FAAH2: variants seen among roughly 807,000 people sequenced by gnomAD.
The protein encoded by FAAH2 is fatty acid amide hydrolase 2.
Under a neutral mutation model 36.9 loss-of-function variants are expected in FAAH2, and 60 were observed. The observed-to-expected ratio is 1.63, with a 90% CI of 1.32 to 2.02. The LOEUF (loss-of-function observed/expected upper bound fraction) is 2.02, where lower values mean the gene tolerates loss of function less well. Among genes scored for constraint, FAAH2 ranks in the 30% most tolerant of loss-of-function variants. The pLI, the probability that FAAH2 is intolerant of heterozygous loss-of-function variation, is 0.00. For missense variants in FAAH2, 689 were observed against 397.5 expected, an observed-to-expected ratio of 1.73 and a Z score of -6.23; for synonymous variants, 214 against 143.8, an observed-to-expected ratio of 1.49 and a Z score of -3.49.
At chrX:57,153,749 C>T in the FAAH2 span, among the ~76,000 whole-genome samples, 1 of 112,298 alleles carries the variant, frequency 8.9e-6, no homozygotes, top group South Asian at 3.7e-4. Context: ...ATCTGTTTTC[C>T]TTTATAGGTT....
At chrX:57,242,857 G>A in the FAAH2 span, among the ~76,000 whole-genome samples, 1 of 112,202 alleles carries the variant, frequency 8.9e-6, no homozygotes, top group Non-Finnish European at 1.9e-5. Flanking sequence ...TGATCTAGCA[G>A]CAGGAGTTTC....
intron 2 of FAAH2, among the ~76,000 whole-genome samples, chrX:57,295,161 C>T (rs2146805489): frequency 8.9e-6 from 1 of 111,824 alleles, no homozygotes; most frequent in South Asian, 3.7e-4. Context: ...ATATTCAGAG[C>T]TGTGGTTCAG....
intron 2 of FAAH2, among the ~76,000 whole-genome samples, chrX:57,295,928 C>A (rs994521855): frequency 6.2e-5 from 7 of 112,456 alleles, no homozygotes; most frequent in Non-Finnish European, 1.3e-4. Flanking sequence ...TTTGCTCAGG[C>A]TTGAGTAGGT....
chrX:57,159,513 C>A, the FAAH2 span, among the ~76,000 whole-genome samples: 1 of 110,737 alleles, frequency 9.0e-6, no homozygotes, highest in Non-Finnish European at 1.9e-5. Context: ...TCTTTTATTT[C>A]ATTGAGCAGT....
chrX:57,318,256 G>C (rs749710853), intron 3 of FAAH2, among the ~76,000 whole-genome samples: 1 of 111,235 alleles, frequency 9.0e-6, no homozygotes, highest in Non-Finnish European at 1.9e-5. Flanking sequence ...TTAACAAATA[G>C]ATATACTGCT....
chrX:57,362,562 T>C (rs891244890), intron 5 of FAAH2, among the ~76,000 whole-genome samples: 1 of 111,906 alleles, frequency 8.9e-6, no homozygotes, highest in African/African-American at 3.3e-5. Context: ...CTGTTTACTC[T>C]GTTGATGGTT....
intron 3 of FAAH2, among the ~76,000 whole-genome samples, chrX:57,325,036 G>C (rs1021035916): frequency 8.9e-6 from 1 of 112,100 alleles, no homozygotes; most frequent in Non-Finnish European, 1.9e-5. Context: ...TTTATTGAGA[G>C]TTTTTAGCAT....
Position 57,328,085 on chromosome X carries a change from G to T in FAAH2, c.413-3513G>T, listed in dbSNP as rs766545017. ...CAGGACCTTCAGCTGCAGGTCTGTT[G>T]GAGTTTGCTGGAGGTCCCCTGCAGA... is the stretch of plus-strand genomic sequence containing the variant. On this transcript the variant is annotated intron_variant, in intron 3 of 10. Transcript: ENST00000374900. Among the ~76,000 whole-genome samples, 4 of 112,256 alleles carry T rather than the reference G, an allele frequency of 3.6e-5. No homozygotes were observed. In the South Asian group the frequency reaches 1.1e-3, roughly 31 times the overall value.
chrX:57,214,574 G>A, the FAAH2 span, among the ~76,000 whole-genome samples: 12 of 111,094 alleles, frequency 1.1e-4, no homozygotes, highest in Admixed American at 6.7e-4. Context: ...TTACAGGTGC[G>A]TGCCATGATG....
At chrX:57,406,073 T>C (rs1157812739) in intron 7 of FAAH2, among the ~76,000 whole-genome samples, 1 of 110,842 alleles carries the variant, frequency 9.0e-6, no homozygotes, top group African/African-American at 3.3e-5. Flanking sequence ...GAAGCAGCTG[T>C]CACTTCTTAG....
the FAAH2 span, among the ~76,000 whole-genome samples, chrX:57,160,889 T>C: frequency 4.5e-5 from 5 of 112,110 alleles, no homozygotes; most frequent in African/African-American, 1.6e-4. Context: ...AGTTATTTCT[T>C]GCCTTCTGCT....
chrX:57,459,940 C>T (rs908700996), intron 10 of FAAH2, among the ~76,000 whole-genome samples: 8 of 111,331 alleles, frequency 7.2e-5, no homozygotes, highest in Non-Finnish European at 1.5e-4. Context: ...GCCTCTTCTC[C>T]CCCAAGTGAT....
At chrX:57,414,271 G>A (rs186978435) in intron 7 of FAAH2, among the ~76,000 whole-genome samples, 5 of 112,040 alleles carry the variant, frequency 4.5e-5, no homozygotes, top group East Asian at 5.6e-4. Context: ...GTGAGAGAGG[G>A]CATCTTTGTC....
chrX:57,264,563 A>G, the FAAH2 span, among the ~76,000 whole-genome samples: 6 of 112,638 alleles, frequency 5.3e-5, no homozygotes, highest in Non-Finnish European at 9.4e-5. Context: ...GAGAAAAAGG[A>G]ATGCTTATAC....
chrX:57,249,580 A>G, the FAAH2 span, among the ~76,000 whole-genome samples: 14 of 112,055 alleles, frequency 1.2e-4, no homozygotes, highest in Admixed American at 3.8e-4. Flanking sequence ...GCTGAAAAAA[A>G]TCTTGTAACT....
In FAAH2 at chrX:57,479,553, T is replaced by A. The variant is rs898963561; in HGVS notation, c.1424-9204T>A. Reference sequence around the variant, plus strand: ...TGAGTAGGAGTGGTGAGAGAGGGCATCCCTGTCTTGTGCCAGTTTTCAAAG... The same window carrying A: ...TGAGTAGGAGTGGTGAGAGAGGGCAACCCTGTCTTGTGCCAGTTTTCAAAG... On this transcript the variant is annotated intron_variant, in intron 10 of 10. Coordinates refer to ENST00000374900, the MANE Select transcript of FAAH2 (RefSeq NM_174912.4). 5.4e-5 allele frequency among the ~76,000 whole-genome samples: 6 copies of A among 111,578 alleles called. 1 individual carries two copies. The Admixed American group carries it at 5.7e-4, about 11-fold the overall frequency.
At chrX:57,429,490 G>A (rs992839046) in intron 7 of FAAH2, among the ~76,000 whole-genome samples, 3 of 111,783 alleles carry the variant, frequency 2.7e-5, no homozygotes, top group Admixed American at 9.5e-5. Context: ...ATTAGCTATT[G>A]TATTACACCA....
chrX:57,340,175 G>A (rs1194698952), intron 4 of FAAH2, among the ~76,000 whole-genome samples: 3 of 111,720 alleles, frequency 2.7e-5, no homozygotes, highest in East Asian at 2.8e-4. Flanking sequence ...CTTGGGGTCC[G>A]ATGTTTGAGG....
chrX:57,185,523 T>C, the FAAH2 span, among the ~76,000 whole-genome samples: 1 of 108,120 alleles, frequency 9.2e-6, no homozygotes, highest in Non-Finnish European at 1.9e-5. Flanking sequence ...TGTGTGTGTG[T>C]GTTCGTGTGT....
Sources: allele counts gnomAD v4.1 joint callset (sites outside exome capture counted in the v4.1 genomes callset), GRCh38; gene constraint gnomAD v4.1.1; transcripts MANE v1.5; gene names NCBI Gene and HGNC (gene_info 2026-07-23, HGNC 2026-07-21).